The following PEAK1 variants were observed in gnomAD, a reference collection of about 807,000 sequenced individuals.
PEAK1 encodes pseudopodium enriched atypical kinase 1.
In PEAK1, 54 loss-of-function variants were observed where a neutral mutation model predicts 124.7. The ratio of observed to expected loss-of-function variants is 0.43; its 90% CI spans 0.35 to 0.54. The LOEUF is 0.54. Among genes scored for constraint, PEAK1 ranks in the 20% least tolerant of loss-of-function variants. The pLI, the probability that PEAK1 is intolerant of heterozygous loss-of-function variation, is 0.01. For synonymous variants in PEAK1, 719 were observed against 760.0 expected, an observed-to-expected ratio of 0.95 and a Z score of 0.89; for missense variants, 2,046 against 2,134.5, an observed-to-expected ratio of 0.96 and a Z score of 0.82.
At chr15:77,183,717 A>G (rs1371817592) in intron 6 of PEAK1, among the ~76,000 whole-genome samples, 1 of 152,228 alleles carries the variant, frequency 6.6e-6, no homozygotes, top group African/African-American at 2.4e-5. Flanking sequence ...CATATCTGAC[A>G]AAGGACTTTG....
At chr15:77,342,928 G>A (rs1227893999) in intron 2 of PEAK1, among the ~76,000 whole-genome samples, 1 of 152,168 alleles carries the variant, frequency 6.6e-6, no homozygotes, top group African/African-American at 2.4e-5. Context: ...ACACGGGTGT[G>A]TACATATGTC....
intron 2 of PEAK1, among the ~76,000 whole-genome samples, chr15:77,325,920 C>T (rs2065545700): frequency 6.6e-6 from 1 of 151,802 alleles, no homozygotes; most frequent in Non-Finnish European, 1.5e-5. Flanking sequence ...TTTAAAATAG[C>T]TACAAATGTA....
intron 1 of PEAK1, among the ~76,000 whole-genome samples, chr15:77,385,185 T>C (rs1460669987): frequency 6.6e-6 from 1 of 152,116 alleles, no homozygotes; most frequent in South Asian, 2.1e-4. Flanking sequence ...CAGCAATAAG[T>C]ATAACACCAT....
At chr15:77,377,839 A>T (rs2069151324) in intron 1 of PEAK1, among the ~76,000 whole-genome samples, 1 of 152,106 alleles carries the variant, frequency 6.6e-6, no homozygotes, top group Non-Finnish European at 1.5e-5. Context: ...CTGTATTTAC[A>T]ACTCTTACCT....
intron 2 of PEAK1, chr15:77,350,770 A>G (rs954518149): frequency 3.8e-5 from 37 of 980,486 alleles, no homozygotes; most frequent in Non-Finnish European, 4.4e-5. Context: ...AGACAGATCA[A>G]TTCTGTATAA....
chr15:77,366,598 T>C (rs923033667), intron 1 of PEAK1, among the ~76,000 whole-genome samples: 1 of 152,100 alleles, frequency 6.6e-6, no homozygotes, highest in African/African-American at 2.4e-5. Flanking sequence ...CTCTGTCACC[T>C]AGGCTGGAGT....
At chr15:77,225,804 AAT>A (rs894453073) in intron 6 of PEAK1, among the ~76,000 whole-genome samples, 1 of 146,196 alleles carries the variant, frequency 6.8e-6, no homozygotes, top group African/African-American at 2.5e-5. Flanking sequence ...TCTGTTTTTC[AAT>A]ATATGACGAA....
At chr15:77,200,413 C>G (rs1469295695) in intron 6 of PEAK1, among the ~76,000 whole-genome samples, 1 of 152,108 alleles carries the variant, frequency 6.6e-6, no homozygotes, top group Non-Finnish European at 1.5e-5. Context: ...TGTGTGGGGT[C>G]AGCATCCCAA....
At chr15:77,261,395 A>G (rs2061431509) in intron 5 of PEAK1, among the ~76,000 whole-genome samples, 1 of 152,174 alleles carries the variant, frequency 6.6e-6, no homozygotes, top group African/African-American at 2.4e-5. Flanking sequence ...ACGAATGGCT[A>G]ACTAGAATAA....
At chr15:77,408,195 A>C (rs570138292) in intron 1 of PEAK1, among the ~76,000 whole-genome samples, 2 of 148,730 alleles carry the variant, frequency 1.3e-5, no homozygotes, top group African/African-American at 2.5e-5. Flanking sequence ...ACACCCTGGA[A>C]TACTACTCAG....
chr15:77,308,590 A>G (rs1396281358), intron 2 of PEAK1, among the ~76,000 whole-genome samples: 17 of 152,074 alleles, frequency 1.1e-4, no homozygotes, highest in African/African-American at 3.9e-4. Context: ...CAGTAGAGAA[A>G]AATCAGTTTT....
At position 77,270,893 on chromosome 15, in the gene PEAK1, C is replaced by A. The variant is rs558041851; in HGVS notation, c.-275+12990G>T. On this transcript the variant is annotated intron_variant, in intron 5 of 9. Coordinates refer to ENST00000682557, the MANE Select transcript of PEAK1 (RefSeq NM_001385026.1). ...GGGCAAGGACTTCATGTCTAAAATA[C>A]CAAAAGCAATGGCAACAAAAGCCAA... Among the ~76,000 whole-genome samples, 3 of 152,174 alleles carry A rather than the reference C, an allele frequency of 2.0e-5. No homozygotes were observed. The South Asian group carries it at 6.2e-4, about 32-fold the overall frequency.
chr15:77,130,042 C>T (rs946901636), intron 9 of PEAK1, among the ~76,000 whole-genome samples: 2 of 152,172 alleles, frequency 1.3e-5, no homozygotes, highest in Non-Finnish European at 2.9e-5. Context: ...AACCTGCCAA[C>T]AACTCCTAGT....
At chr15:77,387,590 C>A (rs528088087) in intron 1 of PEAK1, among the ~76,000 whole-genome samples, 95 of 152,222 alleles carry the variant, frequency 6.2e-4, no homozygotes, top group African/African-American at 2.2e-3. Flanking sequence ...AAGTAGCTCT[C>A]CAGTGACATA....
At chr15:77,331,618 T>C (rs1176304620) in intron 2 of PEAK1, among the ~76,000 whole-genome samples, 2 of 151,906 alleles carry the variant, frequency 1.3e-5, no homozygotes, top group African/African-American at 4.8e-5. Flanking sequence ...TTTATTTATT[T>C]ACTTACTTAT....
chr15:77,319,210 C>A (rs1297969179), intron 2 of PEAK1, among the ~76,000 whole-genome samples: 1 of 151,304 alleles, frequency 6.6e-6, no homozygotes, highest in Admixed American at 6.6e-5. Flanking sequence ...AGGTGAAATT[C>A]TGGCAAACGG....
At chr15:77,131,350 G>C (rs570312015) in intron 9 of PEAK1, among the ~76,000 whole-genome samples, 10 of 152,244 alleles carry the variant, frequency 6.6e-5, no homozygotes, top group Admixed American at 6.5e-4. Flanking sequence ...AAAATTAGCT[G>C]GGCATGGTGG....
intron 2 of PEAK1, among the ~76,000 whole-genome samples, chr15:77,322,718 C>A (rs2153020555): frequency 6.6e-6 from 1 of 152,316 alleles, no homozygotes; most frequent in South Asian, 2.1e-4. Flanking sequence ...GAGCTGGTAC[C>A]ATTCCTTCTG....
chr15:77,385,831 T>C (rs77418136), intron 1 of PEAK1, among the ~76,000 whole-genome samples: 2,545 of 152,272 alleles, frequency 0.017, 68 homozygotes, highest in African/African-American at 0.057. Context: ...GCCTCCTGAC[T>C]AGTTAAAAGC....
Sources: allele counts gnomAD v4.1 joint callset (sites outside exome capture counted in the v4.1 genomes callset), GRCh38; gene constraint gnomAD v4.1.1; transcripts MANE v1.5; gene names NCBI Gene and HGNC (gene_info 2026-07-23, HGNC 2026-07-21).